Variants in DOP1A observed in about 807,000 individuals in gnomAD.
DOP1A encodes protein DOP1A.
DOP1A carries 90 observed loss-of-function variants against 267.6 expected under a neutral mutation model. The observed-to-expected ratio is 0.34, with a 90% CI of 0.28 to 0.40. The LOEUF (loss-of-function observed/expected upper bound fraction) is 0.40. Ranked by LOEUF, DOP1A falls within the 10% of genes least tolerant of loss-of-function variation. The probability of loss-of-function intolerance (pLI) is 1.00; values close to 1 mark genes in which losing one functional copy is unlikely to be tolerated. For missense variants in DOP1A, 2,437 were observed against 2,900.4 expected, an observed-to-expected ratio of 0.84 and a Z score of 3.67; for synonymous variants, 932 against 999.1, an observed-to-expected ratio of 0.93 and a Z score of 1.27.
chr6:83,154,066 T>C, intron 32 of DOP1A, 23 bp downstream of exon 32: 1 of 1,613,638 alleles, frequency 6.2e-7, no homozygotes. Context: ...CTTATTTGTA[T>C]TCAGCATGAT....
chr6:83,155,919 A>AGT, intron 33 of DOP1A, 32 bp from the exon 34 acceptor site: 1 of 1,592,652 alleles, frequency 6.3e-7, no homozygotes, highest in Non-Finnish European at 8.5e-7. Flanking sequence ...TTCAGATGAC[A>AGT]GTGTCACAGT....
intron 20 of DOP1A, among the ~76,000 whole-genome samples, chr6:83,136,600 A>G (rs1778897236): frequency 6.6e-6 from 1 of 152,130 alleles, no homozygotes; most frequent in South Asian, 2.1e-4. Flanking sequence ...CCAAACTGTC[A>G]TAGTCCTACT....
chr6:83,118,900 G>C lies in DOP1A; in HGVS notation c.793G>C (p.Asp265His), dbSNP rs754581749. 1 of 1,613,552 alleles carries C rather than the reference G, an allele frequency of 6.2e-7. No homozygotes were observed. The highest frequency in any genetic ancestry group is 2.2e-5 in the East Asian group (1 of 44,820). Residue 265 changes from aspartate to histidine, a missense_variant, in exon 8 of 39, where the codon GAT becomes CAT. Physicochemically the swap from Asp to His is moderately conservative, Grantham distance 81. Coordinates refer to ENST00000349129, the MANE Select transcript of DOP1A (RefSeq NM_015018.4). ...PFHMSQATRPDMIRILSAALH... is the reference protein window; with the variant it reads ...PFHMSQATRPHMIRILSAALH... ...CTAACTCTTTCAGGCCACTCGACCG[G>C]ATATGATCAGGATCTTGTCAGCAGC... is the stretch of plus-strand genomic sequence containing the variant.
chr6:83,137,900 A>C lies in DOP1A; in HGVS notation c.3858A>C (p.Ile1286=). The C allele has an allele frequency of 6.2e-7, 1 of 1,612,650 alleles. No homozygotes were observed. The highest frequency in any genetic ancestry group is 8.5e-7 in the Non-Finnish European group (1 of 1,179,598). The stretch of plus-strand genomic sequence containing the variant: ...AAAAAGTTTCGGAGAAGGAAACAAT[A>C]GTTAAGGAGTCAGGTAAACAACCAG... The part of the protein sequence containing the change: ...LSEKVSEKET[I]VKESGKQPGA... The change falls in exon 21 of 39, where the codon ATA becomes ATC. Residue 1286 remains isoleucine (I), a synonymous_variant. Transcript: ENST00000349129.
intron 4 of DOP1A, among the ~76,000 whole-genome samples, chr6:83,102,413 G>C (rs1772755864): frequency 6.6e-6 from 1 of 152,166 alleles, no homozygotes; most frequent in Non-Finnish European, 1.5e-5. Flanking sequence ...GTCCTCACTT[G>C]CACAACAGAA....
chr6:83,169,826 C>T (rs1786717908), downstream of DOP1A: 1 of 457,284 alleles, frequency 2.2e-6, no homozygotes, highest in Non-Finnish European at 4.4e-6. Context: ...AAAATCCAGA[C>T]CACAAGTCTT....
intron 1 of DOP1A, among the ~76,000 whole-genome samples, chr6:83,078,669 T>C (rs997733577): frequency 2.0e-5 from 3 of 152,190 alleles, no homozygotes; most frequent in African/African-American, 2.4e-5. Context: ...TGGAGTGATA[T>C]TCTGACAACA....
rs1042985014 is a variant in DOP1A, at chr6:83,151,852, C to T, written c.5905-31C>T. The T allele has an allele frequency of 4.4e-6, 7 of 1,606,258 alleles. No individual in the cohort carries two copies. The African/African-American group carries it at 8.0e-5, about 18-fold the overall frequency. ...TCATAACTAGTGTGCATGTGTGTAC[C>T]ATACATAGTTGTTCTTCCTTATTTT... is the stretch of plus-strand genomic sequence containing the variant. On this transcript the variant is annotated intron_variant, in intron 28 of 38. Transcript: ENST00000349129.
intron 1 of DOP1A, among the ~76,000 whole-genome samples, chr6:83,074,756 A>G (rs1320627548): frequency 6.6e-6 from 1 of 152,248 alleles, no homozygotes; most frequent in Non-Finnish European, 1.5e-5. Context: ...ACACTACTGA[A>G]CTATACACTC....
At chr6:83,101,220 G>T (rs1772521872) in intron 4 of DOP1A, among the ~76,000 whole-genome samples, 1 of 152,082 alleles carries the variant, frequency 6.6e-6, no homozygotes, top group Non-Finnish European at 1.5e-5. Context: ...GTTTCACCGT[G>T]TTAGCCAGGA....
intron 34 of DOP1A, 58 bp downstream of exon 34, chr6:83,156,161 A>ATTTTCT (rs1170427647): frequency 6.4e-6 from 9 of 1,411,138 alleles, no homozygotes; most frequent in Non-Finnish European, 8.7e-6. Context: ...GTTCCTTAGA[A>ATTTTCT]AATACTTCTC....
intron 4 of DOP1A, among the ~76,000 whole-genome samples, chr6:83,103,101 T>G (rs1772896429): frequency 6.6e-6 from 1 of 152,112 alleles, no homozygotes; most frequent in African/African-American, 2.4e-5. Flanking sequence ...GTTTTTATTA[T>G]TATTATTATT....
intron 1 of DOP1A, among the ~76,000 whole-genome samples, chr6:83,077,380 G>T (rs1767281916): frequency 6.6e-6 from 1 of 151,964 alleles, no homozygotes; most frequent in Non-Finnish European, 1.5e-5. Context: ...ATTTAAAAAG[G>T]ACTATAGGCT....
chr6:83,120,535 A>G, intron 9 of DOP1A, 148 bp from the exon 10 acceptor site: 2 of 486,666 alleles, frequency 4.1e-6, no homozygotes, highest in East Asian at 3.4e-5. Flanking sequence ...GCAGAGTAAG[A>G]AGGCCAAGGT....
Position 83,129,407 on chromosome 6 carries a change from T to C in DOP1A, c.2240T>C (p.Phe747Ser). The C allele has an allele frequency of 6.2e-7, 1 of 1,611,334 alleles. No individual in the cohort carries two copies. Among genetic ancestry groups the C allele is most frequent in the South Asian group, 1.1e-5 (1 of 90,542 alleles). ...QKTSKEYLSA[F>S]LAACQLFLEC... ...ACTTCTAAAGAATACCTGTCTGCCT[T>C]CCTTGCTGCCTGTCAGCTCTTCCTA... The change falls in exon 16 of 39, where the codon TTC becomes TCC. Residue 747 changes from phenylalanine to serine, a missense_variant. Phe to Ser is a radical substitution (Grantham distance 155). Transcript: ENST00000349129.
At chr6:83,153,190 G>A (rs1782077043) in intron 30 of DOP1A, among the ~76,000 whole-genome samples, 1 of 151,956 alleles carries the variant, frequency 6.6e-6, no homozygotes, top group Non-Finnish European at 1.5e-5. Flanking sequence ...GCTGAGTCAG[G>A]GAAAAAGAAT....
At chr6:83,166,980 C>T (rs1373418216) in intron 38 of DOP1A, 23 of 985,920 alleles carry the variant, frequency 2.3e-5, no homozygotes, top group Non-Finnish European at 2.5e-5. Context: ...TGCCCAAGTT[C>T]AACCAACCTG....
chr6:83,149,126 G>A (rs1781102878), intron 27 of DOP1A, among the ~76,000 whole-genome samples: 1 of 152,120 alleles, frequency 6.6e-6, no homozygotes, highest in South Asian at 2.1e-4. Flanking sequence ...AGCTGTTTCC[G>A]TGGTGGTGGA....
Position 83,156,045 on chromosome 6 carries a change from A to G in DOP1A, c.6546A>G (p.Ala2182=). 6.2e-7 allele frequency: 1 copy of G among 1,613,840 alleles called. No individual in the cohort carries two copies. Among genetic ancestry groups the G allele is most frequent in the Non-Finnish European group, 8.5e-7 (1 of 1,179,736 alleles). ...EQRAMLLKRL[A]FAIFSSEIDQ... is the part of the protein sequence containing the mutation. Reference sequence around the variant, plus strand: ...GAGCTATGCTTCTTAAAAGATTAGCATTTGCTATTTTTAGCAGTGAAATTG... The same window carrying G: ...GAGCTATGCTTCTTAAAAGATTAGCGTTTGCTATTTTTAGCAGTGAAATTG... Residue 2182 remains alanine, a synonymous_variant, in exon 34 of 39, where the codon GCA becomes GCG. Transcript: ENST00000349129.
Sources: gnomAD v4.1 joint callset for allele counts (sites outside exome capture counted in the v4.1 genomes callset) on GRCh38, gnomAD v4.1.1 for gene constraint, MANE v1.5 for transcripts, NCBI Gene and HGNC (gene_info 2026-07-23, HGNC 2026-07-21) for gene names.